TAOK1: variants seen among roughly 807,000 people sequenced by gnomAD.
TAOK1 encodes TAO kinase 1.
TAOK1 carries 21 observed loss-of-function variants against 138.3 expected under a neutral mutation model. The observed-to-expected ratio is 0.15, with a 90% CI of 0.11 to 0.22. TAOK1 has a LOEUF of 0.22. TAOK1 is among the 10% of genes least tolerant of loss of function. The probability of loss-of-function intolerance (pLI) is 1.00; values close to 1 mark genes in which losing one functional copy is unlikely to be tolerated. For synonymous variants in TAOK1, 361 were observed against 398.4 expected, an observed-to-expected ratio of 0.91 and a Z score of 1.12; for missense variants, 651 against 1,227.7, an observed-to-expected ratio of 0.53 and a Z score of 7.02.
At chr17:29,509,162 TTTTTA>T (rs2031675496) in intron 14 of TAOK1, among the ~76,000 whole-genome samples, 1 of 152,070 alleles carries the variant, frequency 6.6e-6, no homozygotes, top group Non-Finnish European at 1.5e-5. Context: ...ATTTTTTTAT[TTTTTA>T]TTTTATTTTT....
intron 1 of TAOK1, among the ~76,000 whole-genome samples, chr17:29,439,030 G>A (rs1040754875): frequency 6.6e-6 from 1 of 151,728 alleles, no homozygotes; most frequent in Admixed American, 6.6e-5. Context: ...TCCCTGAACC[G>A]TTTGAATTAG....
At chr17:29,427,502 A>G (rs1170909486) in intron 1 of TAOK1, among the ~76,000 whole-genome samples, 1 of 149,076 alleles carries the variant, frequency 6.7e-6, no homozygotes, top group Non-Finnish European at 1.5e-5. Flanking sequence ...AGGCTGACAC[A>G]GGGGGATCGC....
At chr17:29,525,052 TAGGC>T (rs2031986588) in intron 17 of TAOK1, among the ~76,000 whole-genome samples, 1 of 152,188 alleles carries the variant, frequency 6.6e-6, no homozygotes, top group African/African-American at 2.4e-5. Context: ...TTTTTCTCAT[TAGGC>T]AGGAATGTGG....
At chr17:29,511,079 A>T (rs2031711937) in intron 15 of TAOK1, 87 bp downstream of exon 15, 1 of 1,315,366 alleles carries the variant, frequency 7.6e-7, no homozygotes, top group Non-Finnish European at 1.0e-6. Context: ...ATTAGGATAA[A>T]ATTATCTTTT....
chr17:29,536,837 C>T lies in TAOK1; in HGVS notation c.2544+2537C>T, dbSNP rs2032232364. Among the ~76,000 whole-genome samples the T allele has an allele frequency of 2.6e-5, 4 of 151,254 alleles. No homozygotes were observed. In the South Asian group the frequency reaches 8.4e-4, roughly 32 times the overall value. ...GCCTCAGCCTCCCGAGTACCTGGGA[C>T]TACAGGTGCCCACCACCACACCTGG... On this transcript the variant is annotated intron_variant, in intron 19 of 19. Transcript: ENST00000261716.
chr17:29,407,766 G>A (rs902356987), intron 1 of TAOK1, among the ~76,000 whole-genome samples: 2 of 152,108 alleles, frequency 1.3e-5, no homozygotes, highest in Non-Finnish European at 2.9e-5. Context: ...TACTCTTTTT[G>A]AAGACACGTT....
chr17:29,425,656 C>A (rs896588281), intron 1 of TAOK1, among the ~76,000 whole-genome samples: 4 of 150,786 alleles, frequency 2.7e-5, no homozygotes, highest in Non-Finnish European at 4.4e-5. Flanking sequence ...AGAGCCAGAT[C>A]TTGTCAAAAA....
chr17:29,515,330 G>T (rs1256077753), intron 15 of TAOK1, among the ~76,000 whole-genome samples: 1 of 152,022 alleles, frequency 6.6e-6, no homozygotes, highest in East Asian at 1.9e-4. Flanking sequence ...CTGTATTTTT[G>T]TCCTAGTTCA....
At chr17:29,457,617 G>C (rs906787786) in intron 2 of TAOK1, among the ~76,000 whole-genome samples, 2 of 150,298 alleles carry the variant, frequency 1.3e-5, no homozygotes, top group Non-Finnish European at 3.0e-5. Flanking sequence ...TGTTGGCCAG[G>C]CTGGTCTTGA....
At chr17:29,532,652 C>T (rs554970604) in intron 18 of TAOK1, among the ~76,000 whole-genome samples, 1 of 152,002 alleles carries the variant, frequency 6.6e-6, no homozygotes, top group Non-Finnish European at 1.5e-5. Flanking sequence ...CGGAGAGTAC[C>T]GGGTTGGGGG....
intron 3 of TAOK1, among the ~76,000 whole-genome samples, chr17:29,474,271 C>T (rs1024410425): frequency 3.3e-5 from 5 of 152,114 alleles, no homozygotes; most frequent in African/African-American, 1.2e-4. Context: ...CTTGTTTTAC[C>T]TTCTTATCAT....
chr17:29,449,418 G>A (rs2030176515), intron 1 of TAOK1, among the ~76,000 whole-genome samples: 1 of 152,164 alleles, frequency 6.6e-6, no homozygotes, highest in Non-Finnish European at 1.5e-5. Context: ...GCAGTGTGGT[G>A]TTAATTTAGG....
chr17:29,433,539 T>C (rs898866931), intron 1 of TAOK1, among the ~76,000 whole-genome samples: 6 of 152,054 alleles, frequency 3.9e-5, no homozygotes, highest in African/African-American at 1.4e-4. Context: ...GTCCCATGGC[T>C]ATGAAAATTC....
intron 10 of TAOK1, 81 bp from the exon 11 acceptor site, chr17:29,495,479 A>G (rs1039182633): frequency 2.8e-5 from 33 of 1,192,816 alleles, no homozygotes; most frequent in Middle Eastern, 2.1e-4. Flanking sequence ...CTATCATAGG[A>G]TATTATCTCT....
chr17:29,523,157 C>G (rs1258352570), intron 17 of TAOK1, among the ~76,000 whole-genome samples: 1 of 151,228 alleles, frequency 6.6e-6, no homozygotes, highest in African/African-American at 2.4e-5. Context: ...CATTTGGCTT[C>G]TCTCTGTTGT....
intron 1 of TAOK1, among the ~76,000 whole-genome samples, chr17:29,402,328 T>G (rs1904872319): frequency 6.6e-6 from 1 of 152,142 alleles, no homozygotes; most frequent in Non-Finnish European, 1.5e-5. Flanking sequence ...TTTAAGACGG[T>G]CTCAGTCCCC....
chr17:29,411,088 GTTTTTTTTTTT>G (rs71138814), intron 1 of TAOK1, among the ~76,000 whole-genome samples: 97 of 94,058 alleles, frequency 1.0e-3, no homozygotes, highest in Middle Eastern at 0.017. Context: ...TCTTTTTACT[GTTTTTTTTTTT>G]TTTTTTTTTT....
At position 29,521,588 on chromosome 17, in the gene TAOK1, T is replaced by C. The variant is rs929896725; in HGVS notation, c.1909-692T>C. Among the ~76,000 whole-genome samples, 4 of 152,236 alleles carry C rather than the reference T, an allele frequency of 2.6e-5. No individual in the cohort carries two copies. The East Asian group carries it at 7.7e-4, about 29-fold the overall frequency. ...GCAGTATAGCTCTCTAGTGTCCATGTTTTTTTTCTTTTGAGAGGGAGTCTC... is the reference window on the plus strand; with the variant it reads ...GCAGTATAGCTCTCTAGTGTCCATGCTTTTTTTCTTTTGAGAGGGAGTCTC... On this transcript the variant is annotated intron_variant, in intron 16 of 19. Coordinates refer to ENST00000261716, the MANE Select transcript of TAOK1 (RefSeq NM_020791.4).
At chr17:29,401,843 G>T (rs978012098) in intron 1 of TAOK1, among the ~76,000 whole-genome samples, 1 of 151,936 alleles carries the variant, frequency 6.6e-6, no homozygotes, top group Non-Finnish European at 1.5e-5. Context: ...TTGAGACGGG[G>T]TTTCGCCATG....
Sources: allele counts gnomAD v4.1 joint callset (sites outside exome capture counted in the v4.1 genomes callset), GRCh38; gene constraint gnomAD v4.1.1; transcripts MANE v1.5; gene names NCBI Gene and HGNC (gene_info 2026-07-23, HGNC 2026-07-21).